UBXN6: variants seen among roughly 807,000 people sequenced by gnomAD.
The protein encoded by UBXN6 is UBX domain-containing protein 6.
In UBXN6, 44 loss-of-function variants were observed where a neutral mutation model predicts 51.4. The ratio of observed to expected loss-of-function variants is 0.86; its 90% CI spans 0.67 to 1.10. UBXN6 has a LOEUF of 1.10. Ranked by LOEUF, UBXN6 falls within the 50% of genes least tolerant of loss-of-function variation. The probability of loss-of-function intolerance (pLI) is 0.00; values close to 1 mark genes in which losing one functional copy is unlikely to be tolerated. For synonymous variants in UBXN6, 316 were observed against 263.2 expected (o/e 1.20, Z -1.94); for missense variants, 672 against 596.1 (o/e 1.13, Z -1.32).
intron 5 of UBXN6, 78 bp downstream of exon 5, chr19:4,448,240 A>AGGGGGTGACAGCCCCAGTGGG (rs1974579908): frequency 7.6e-7 from 1 of 1,313,848 alleles, no homozygotes. Context: ...AGGGGGCCAG[A>AGGGGGTGACAGCCCCAGTGGG]GGGGGTGACA....
chr19:4,452,769 C>A (rs1222386621), intron 3 of UBXN6, among the ~76,000 whole-genome samples: 1 of 152,188 alleles, frequency 6.6e-6, no homozygotes, highest in Non-Finnish European at 1.5e-5. Context: ...AAACACCCAG[C>A]AGATGGCAGC....
chr19:4,446,701 T>C lies in UBXN6; in HGVS notation c.719A>G (p.Tyr240Cys), dbSNP rs772230469. ...AQDQEDPEEFYVLSETTLAQP... is the reference protein window; with the variant it reads ...AQDQEDPEEFCVLSETTLAQP... ...GGCCAAGGTGGTCTCGCTCAGCACG[T>C]AGAACTCCTCGGGGTCCTCTACAGC... is the stretch of plus-strand genomic sequence containing the variant. Residue 240 changes from tyrosine (Y) to cysteine (C), a missense_variant, in exon 8 of 11, where the codon TAC (tyrosine) becomes TGC (cysteine). Tyr to Cys is a radical substitution (Grantham distance 194). Coordinates refer to ENST00000301281, the MANE Select transcript of UBXN6 (RefSeq NM_025241.3). The C allele has an allele frequency of 2.5e-6, 4 of 1,610,316 alleles. No individual in the cohort carries two copies. Among genetic ancestry groups the C allele is most frequent in the Non-Finnish European group, 2.5e-6 (3 of 1,177,770 alleles).
At chr19:4,445,663 G>T in intron 10 of UBXN6, 40 bp from the exon 11 acceptor site, 1 of 1,591,138 alleles carries the variant, frequency 6.3e-7, no homozygotes, top group Non-Finnish European at 8.6e-7. Flanking sequence ...ACCGAGAGTC[G>T]GCCCTTGCCG....
rs2145170326 is a variant in UBXN6, at chr19:4,446,717, C to T, written c.703G>A (p.Asp235Asn). The change falls in exon 8 of 11, where the codon GAC becomes AAC. Residue 235 changes from aspartate (D) to asparagine (N), a missense_variant and splice_region_variant. Physicochemically the swap from Asp to Asn is conservative, Grantham distance 23 (BLOSUM62 1). Transcript: ENST00000301281. ...CTCAGCACGTAGAACTCCTCGGGGT[C>T]CTCTACAGCGTGGCAGGACATGGGT... is the stretch of plus-strand genomic sequence containing the variant. ...KVLLPAQDQE[D>N]PEEFYVLSET... is the part of the protein sequence containing the mutation. 5 of 1,608,454 alleles carry T rather than the reference C, an allele frequency of 3.1e-6. No individual in the cohort carries two copies. The highest frequency in any genetic ancestry group is 3.4e-6 in the Non-Finnish European group (4 of 1,176,544).
At chr19:4,451,693 A>C (rs1316642282) in intron 4 of UBXN6, among the ~76,000 whole-genome samples, 2 of 151,646 alleles carry the variant, frequency 1.3e-5, no homozygotes, top group Admixed American at 1.3e-4. Flanking sequence ...GTTGGAGTGC[A>C]ATGGCGCTAT....
chr19:4,453,389 TCCC>T, intron 3 of UBXN6, 66 bp downstream of exon 3: 1 of 1,547,660 alleles, frequency 6.5e-7, no homozygotes. Context: ...AGGCCACATC[TCCC>T]CCGTGACACA....
At chr19:4,448,610 C>T (rs749243018) in intron 4 of UBXN6, 195 bp from the exon 5 acceptor site, 29 of 597,860 alleles carry the variant, frequency 4.9e-5, no homozygotes, top group Admixed American at 2.9e-4. Context: ...GCAGAGGCGA[C>T]GCAGCCAAGA....
At chr19:4,453,598 TC>T (rs1974692755) in intron 2 of UBXN6, 76 bp from the exon 3 acceptor site, 25 of 1,554,230 alleles carry the variant, frequency 1.6e-5, no homozygotes, top group Non-Finnish European at 2.1e-5. Context: ...GCCCCCTCAT[TC>T]CCGGGGTGGG....
intron 6 of UBXN6, chr19:4,447,258 A>T (rs1974553661): frequency 1.8e-6 from 1 of 570,154 alleles, no homozygotes; most frequent in Non-Finnish European, 3.1e-6. Flanking sequence ...TCTGGTTTGC[A>T]TGAGAAACCT....
rs969444889 is a variant in UBXN6 at position 4,455,190 on chromosome 19, G to A, written c.84-1097C>T. 11 of 984,786 alleles carry A rather than the reference G, an allele frequency of 1.1e-5. No homozygotes were observed. The South Asian group carries it at 1.4e-4, about 13-fold the overall frequency. The allele number at this position is 984,786 out of a possible 1,614,324, so 61.0% of individuals were successfully genotyped here. On this transcript the variant is annotated intron_variant, in intron 1 of 10. Coordinates refer to ENST00000301281, the MANE Select transcript of UBXN6 (RefSeq NM_025241.3). ...CTGCTCGGACGCGTCTGTCTCACCC[G>A]TCTCCTCTCAGGCCCCTCCCATGAA...
rs1038193861 is a variant in UBXN6, at chr19:4,445,349, T to G, written c.*149A>C. The G allele has an allele frequency of 9.5e-6, 13 of 1,371,382 alleles. No individual in the cohort carries two copies. Among genetic ancestry groups the G allele is most frequent in the Non-Finnish European group, 1.3e-5 (13 of 1,008,398 alleles). The allele number at this position is 1,371,382 out of a possible 1,614,324, so 85.0% of individuals were successfully genotyped here. ...TGGGGGCTCTGCCACGGGGCCCAAT[T>G]CCACAGCTCCACGGCTGGCGCCCCT... On this transcript the variant is annotated 3_prime_UTR_variant, in exon 11 of 11. Coordinates refer to ENST00000301281, the MANE Select transcript of UBXN6 (RefSeq NM_025241.3).
At chr19:4,449,996 G>A (rs142289397) in intron 4 of UBXN6, 1 of 152,100 alleles carries the variant, frequency 6.6e-6, no homozygotes, top group African/African-American at 2.4e-5. Context: ...TTGGGAGGCC[G>A]AGGCGGTCGG....
rs1225175531 is a variant in UBXN6, at chr19:4,447,147, C to A, written c.616-227G>T. ...CAGAGGAAAGAGTCACAACCAGGCACGAAGAGTGAGGCTGAGGAGCCAGAC... is the reference window on the plus strand; with the variant it reads ...CAGAGGAAAGAGTCACAACCAGGCAAGAAGAGTGAGGCTGAGGAGCCAGAC... On this transcript the variant is annotated intron_variant, in intron 6 of 10. Transcript: ENST00000301281. 1.0e-5 allele frequency: 6 copies of A among 598,438 alleles called. No individual in the cohort carries two copies. In the East Asian group the frequency reaches 1.7e-4, roughly 17 times the overall value. 37.1% of individuals were successfully genotyped at this position (598,438 alleles called of 1,614,324 possible). A position where few individuals can be genotyped will look rare whatever the true frequency, so the allele number is the denominator to read the frequency against.
chr19:4,446,376 T>C lies in UBXN6; in HGVS notation c.958A>G (p.Lys320Glu), dbSNP rs1974520657. Residue 320 changes from lysine to glutamate, a missense_variant, in exon 9 of 11, where the codon AAG becomes GAG. Coordinates refer to ENST00000301281, the MANE Select transcript of UBXN6 (RefSeq NM_025241.3). ...TGCTCCTCCTTCTCCCGCATGGCCT[T>C]GGTCCGCAGCACGCTCAGCCGCTCC... ...AVERLSVLRTKAMREKEEQRG... is the reference protein window; with the variant it reads ...AVERLSVLRTEAMREKEEQRG... 1.3e-6 allele frequency: 2 copies of C among 1,576,634 alleles called. No individual in the cohort carries two copies. Among genetic ancestry groups the C allele is most frequent in the Non-Finnish European group, 1.7e-6 (2 of 1,168,188 alleles).
intron 1 of UBXN6, among the ~76,000 whole-genome samples, chr19:4,456,523 C>A (rs1015401720): frequency 1.3e-5 from 2 of 151,874 alleles, no homozygotes; most frequent in African/African-American, 4.8e-5. Flanking sequence ...TCCCCACCAC[C>A]CTCTGGCCAG....
intron 1 of UBXN6, among the ~76,000 whole-genome samples, chr19:4,455,873 T>A (rs892159999): frequency 1.3e-5 from 2 of 152,020 alleles, no homozygotes; most frequent in Non-Finnish European, 2.9e-5. Context: ...TGACGGCCCC[T>A]GCTCACCCTC....
intron 6 of UBXN6, 33 bp from the exon 7 acceptor site, chr19:4,446,953 C>A: frequency 6.2e-7 from 1 of 1,605,440 alleles, no homozygotes; most frequent in East Asian, 2.2e-5. Context: ...CTGGGGGCCC[C>A]TGGCTTCCTC....
chr19:4,457,711 C>T lies in UBXN6; in HGVS notation c.-14G>A. ...GAATTTCTTCATGGTGGCGGCTGGC[C>T]CGGCGGCGGGGGGCCGCGGGGGCGG... On this transcript the variant is annotated 5_prime_UTR_variant, in exon 1 of 11. Coordinates refer to ENST00000301281, the MANE Select transcript of UBXN6 (RefSeq NM_025241.3). The T allele has an allele frequency of 5.2e-6, 8 of 1,526,560 alleles. No individual in the cohort carries two copies. Among genetic ancestry groups the T allele is most frequent in the Non-Finnish European group, 7.0e-6 (8 of 1,141,964 alleles). 94.6% of individuals were successfully genotyped at this position (1,526,560 alleles called of 1,614,324 possible). A position where few individuals can be genotyped will look rare whatever the true frequency, so the allele number is the denominator to read the frequency against.
rs1196064795 is a variant in UBXN6, at chr19:4,445,190, C to G, written c.*308G>C. ...CATGCTGCAGGCCTGCTCTCCTGCC[C>G]AGGGAGATGCCACGTGTGTCTGTCC... On this transcript the variant is annotated 3_prime_UTR_variant, in exon 11 of 11. Transcript: ENST00000301281. The G allele has an allele frequency of 2.7e-6, 1 of 368,586 alleles. No individual in the cohort carries two copies. The highest frequency in any genetic ancestry group is 2.5e-5 in the South Asian group (1 of 39,916). The allele number at this position is 368,586 out of a possible 1,614,324, so 22.8% of individuals were successfully genotyped here.
Sources: allele counts gnomAD v4.1 joint callset (sites outside exome capture counted in the v4.1 genomes callset), GRCh38; gene constraint gnomAD v4.1.1; transcripts MANE v1.5; gene names NCBI Gene and HGNC (gene_info 2026-07-23, HGNC 2026-07-21).